The following AFG1L variants were observed in gnomAD, a reference collection of about 807,000 sequenced individuals.
AFG1L encodes AFG1 like ATPase.
Under a neutral mutation model 62.2 loss-of-function variants are expected in AFG1L, and 53 were observed. The ratio of observed to expected loss-of-function variants is 0.85; its 90% CI spans 0.68 to 1.07. The LOEUF (loss-of-function observed/expected upper bound fraction) is 1.07. Ranked by LOEUF, AFG1L falls within the 50% of genes least tolerant of loss-of-function variation. The pLI is 0.00. For missense variants in AFG1L, 555 were observed against 590.5 expected (o/e 0.94, Z 0.62); for synonymous variants, 228 against 210.3 (o/e 1.08, Z -0.73).
chr6:108,517,058 G>A (rs564062396), intron 11 of AFG1L, among the ~76,000 whole-genome samples: 46 of 152,228 alleles, frequency 3.0e-4, no homozygotes, highest in African/African-American at 9.6e-4. Flanking sequence ...AATCAATATC[G>A]TGAAAATGGC....
At chr6:108,423,891 G>A (rs147146226) in intron 7 of AFG1L, among the ~76,000 whole-genome samples, 1 of 152,110 alleles carries the variant, frequency 6.6e-6, no homozygotes, top group African/African-American at 2.4e-5. Flanking sequence ...AGCCAATTAT[G>A]ATTGATAGGA....
intron 8 of AFG1L, among the ~76,000 whole-genome samples, chr6:108,472,620 A>G (rs1363694875): frequency 4.0e-5 from 6 of 150,840 alleles, no homozygotes; most frequent in Non-Finnish European, 5.9e-5. Flanking sequence ...TTTACTTTGC[A>G]TTTGTTATTA....
intron 11 of AFG1L, among the ~76,000 whole-genome samples, chr6:108,512,232 A>G (rs1774681835): frequency 2.6e-5 from 4 of 152,236 alleles, no homozygotes; most frequent in Non-Finnish European, 4.4e-5. Context: ...GAAAATGGGT[A>G]ACCAGCATGG....
rs144478169 is a variant in AFG1L, at chr6:108,333,223, A to G, written c.363+9175A>G. 4.7e-3 allele frequency among the ~76,000 whole-genome samples: 713 copies of G among 152,002 alleles called. 13 individuals carry two copies. The highest frequency in any genetic ancestry group is 0.017 in the African/African-American group (689 of 41,452). On this transcript the variant is annotated intron_variant, in intron 2 of 12. Transcript: ENST00000368977. ...TCAGGAGTTCGAGACCAACCTGGCC[A>G]ACATGGTGAAACCCCGTCTGTACTA...
At chr6:108,493,238 T>C (rs904656138) in intron 10 of AFG1L, among the ~76,000 whole-genome samples, 2 of 152,224 alleles carry the variant, frequency 1.3e-5, no homozygotes, top group African/African-American at 2.4e-5. Context: ...CTGGTTTCTT[T>C]AATTCAGAAA....
At chr6:108,422,160 T>C (rs141127357) in intron 7 of AFG1L, among the ~76,000 whole-genome samples, 6 of 152,100 alleles carry the variant, frequency 3.9e-5, no homozygotes, top group Admixed American at 1.3e-4. Context: ...TTAAAAATAT[T>C]AGTAGCTTTA....
intron 10 of AFG1L, among the ~76,000 whole-genome samples, chr6:108,503,898 A>G (rs1023209270): frequency 5.3e-5 from 8 of 152,274 alleles, no homozygotes; most frequent in Admixed American, 3.3e-4. Flanking sequence ...CGTTATGGAG[A>G]TGGCTTCTTT....
At chr6:108,448,919 G>C (rs1771929454) in intron 8 of AFG1L, among the ~76,000 whole-genome samples, 1 of 152,004 alleles carries the variant, frequency 6.6e-6, no homozygotes, top group Non-Finnish European at 1.5e-5. Flanking sequence ...GGAGGCTGAG[G>C]TTGGAGGATC....
intron 6 of AFG1L, among the ~76,000 whole-genome samples, chr6:108,379,549 G>A (rs1306453572): frequency 6.6e-6 from 1 of 152,190 alleles, no homozygotes; most frequent in African/African-American, 2.4e-5. Flanking sequence ...GGTGGCAATG[G>A]GAGCCGTGAA....
rs1775042952 is a variant in AFG1L at position 108,519,614 on chromosome 6, G to A, written c.1204-83G>A. The A allele has an allele frequency of 9.3e-6, 7 of 749,200 alleles. No homozygotes were observed. In the South Asian group the frequency reaches 1.2e-4, roughly 13 times the overall value. The allele number at this position is 749,200 out of a possible 1,614,324, so 46.4% of individuals were successfully genotyped here. On this transcript the variant is annotated intron_variant, in intron 11 of 12. Transcript: ENST00000368977. Reference sequence around the variant, plus strand: ...TCCAAGCTCCTGTATGTGAAAAACAGACTTTTATTTTGTGAGATTTTTCTT... The same window carrying A: ...TCCAAGCTCCTGTATGTGAAAAACAAACTTTTATTTTGTGAGATTTTTCTT...
rs529215800 is a variant in AFG1L, at chr6:108,434,643, C to G, written c.808-12571C>G. On this transcript the variant is annotated intron_variant, in intron 7 of 12. Transcript: ENST00000368977. ...GTTTTCCCAACTCTGGAGCAGTGAT[C>G]CGATCCTGTCACCTCCCTTCCTAAA... Among the ~76,000 whole-genome samples, 7 of 152,322 alleles carry G rather than the reference C, an allele frequency of 4.6e-5. No individual in the cohort carries two copies. In the South Asian group the frequency reaches 1.0e-3, roughly 23 times the overall value.
At chr6:108,517,949 A>G (rs1202056918) in intron 11 of AFG1L, among the ~76,000 whole-genome samples, 2 of 152,206 alleles carry the variant, frequency 1.3e-5, no homozygotes, top group African/African-American at 4.8e-5. Context: ...CAAAACCACA[A>G]TGAGATACCA....
rs919156978 is a variant in AFG1L, at chr6:108,524,850, T to C, written c.*2425T>C. On this transcript the variant is annotated 3_prime_UTR_variant, in exon 13 of 13. Transcript: ENST00000368977. ...AGAAAAAAACCCAAGTCTTCAAGAA[T>C]AGCCATCACTAGGAAACAGTATGGT... 2.0e-5 allele frequency: 3 copies of C among 152,170 alleles called. No homozygotes were observed. The highest frequency in any genetic ancestry group is 7.2e-5 in the African/African-American group (3 of 41,436). The allele number at this position is 152,170 out of a possible 1,614,324, so 9.4% of individuals were successfully genotyped here. A position where few individuals can be genotyped will look rare whatever the true frequency, so the allele number is the denominator to read the frequency against.
At chr6:108,375,792 T>C (rs1262631906) in intron 6 of AFG1L, among the ~76,000 whole-genome samples, 2 of 152,068 alleles carry the variant, frequency 1.3e-5, no homozygotes, top group Admixed American at 1.3e-4. Context: ...TATTGTCTCT[T>C]TGCCAGGTTT....
chr6:108,402,455 C>A (rs148327147), intron 7 of AFG1L, among the ~76,000 whole-genome samples: 215 of 126,488 alleles, frequency 1.7e-3, no homozygotes, highest in African/African-American at 5.8e-3. Context: ...CAGGGCGAGA[C>A]GCCGTCTCGA....
chr6:108,505,536 A>G (rs1394583209), intron 10 of AFG1L, among the ~76,000 whole-genome samples: 1 of 152,242 alleles, frequency 6.6e-6, no homozygotes, highest in East Asian at 1.9e-4. Flanking sequence ...TATTAGAAGT[A>G]TGAATCTATA....
intron 8 of AFG1L, among the ~76,000 whole-genome samples, chr6:108,472,715 C>T (rs1472658519): frequency 1.7e-4 from 25 of 150,260 alleles, no homozygotes; most frequent in East Asian, 7.8e-4. Context: ...AATCTCGCTC[C>T]GTCGCCCAGG....
intron 10 of AFG1L, among the ~76,000 whole-genome samples, chr6:108,507,162 G>C (rs1045608843): frequency 6.6e-6 from 1 of 152,080 alleles, no homozygotes; most frequent in African/African-American, 2.4e-5. Context: ...CTCCTTGTTT[G>C]AATGACTTTT....
At chr6:108,463,324 T>C (rs1261842013) in intron 8 of AFG1L, among the ~76,000 whole-genome samples, 1 of 148,540 alleles carries the variant, frequency 6.7e-6, no homozygotes. Flanking sequence ...CCCTGGCCTC[T>C]GGCCTCTCTT....
Sources: allele counts gnomAD v4.1 joint callset (sites outside exome capture counted in the v4.1 genomes callset), GRCh38; gene constraint gnomAD v4.1.1; transcripts MANE v1.5; gene names NCBI Gene and HGNC (gene_info 2026-07-23, HGNC 2026-07-21).